NCK1: variants seen among roughly 807,000 people sequenced by gnomAD.
The protein encoded by NCK1 is SH2/SH3 adapter protein NCK1.
In NCK1, 19 loss-of-function variants were observed where a neutral mutation model predicts 36.6. The ratio of observed to expected loss-of-function variants is 0.52; its 90% CI spans 0.36 to 0.76. The LOEUF (loss-of-function observed/expected upper bound fraction) is 0.76, where lower values mean the gene tolerates loss of function less well. NCK1 is among the 30% of genes least tolerant of loss of function. NCK1 has a pLI of 0.00. For synonymous variants in NCK1, 165 were observed against 156.0 expected (o/e 1.06, Z -0.43); for missense variants, 358 against 445.6 (o/e 0.80, Z 1.77).
Position 136,949,892 on chromosome 3 carries a change from A to G in NCK1, c.*1439A>G, listed in dbSNP as rs1466066580. ...ATTTAAATCTTAAAATCATTTAAAG[A>G]CTTATGTTGCCACTGGGTGGCAGCC... On this transcript the variant is annotated 3_prime_UTR_variant, in exon 4 of 4. Coordinates refer to ENST00000481752, the MANE Select transcript of NCK1 (RefSeq NM_001291999.2). The G allele has an allele frequency of 6.6e-6, 1 of 152,100 alleles. No individual in the cohort carries two copies. The highest frequency in any genetic ancestry group is 6.6e-5 in the Admixed American group (1 of 15,260). The allele number at this position is 152,100 out of a possible 1,614,324, so 9.4% of individuals were successfully genotyped here. A position where few individuals can be genotyped will look rare whatever the true frequency, so the allele number is the denominator to read the frequency against.
At chr3:136,898,289 G>A (rs1257063920) in intron 1 of NCK1, among the ~76,000 whole-genome samples, 1 of 151,612 alleles carries the variant, frequency 6.6e-6, no homozygotes, top group Non-Finnish European at 1.5e-5. Context: ...CCACCTATTC[G>A]GGGAGGCTGA....
intron 1 of NCK1, among the ~76,000 whole-genome samples, chr3:136,892,676 T>C (rs1182044929): frequency 6.6e-6 from 1 of 152,122 alleles, no homozygotes; most frequent in African/African-American, 2.4e-5. Context: ...AGACCTGTTT[T>C]AGACTTAATG....
intron 1 of NCK1, among the ~76,000 whole-genome samples, chr3:136,898,329 G>A (rs1161940449): frequency 1.3e-5 from 2 of 151,042 alleles, no homozygotes; most frequent in African/African-American, 2.4e-5. Flanking sequence ...CCCGGGAGGC[G>A]GAGGTTCCAG....
intron 1 of NCK1, among the ~76,000 whole-genome samples, chr3:136,892,658 G>C (rs987790466): frequency 3.3e-5 from 5 of 150,606 alleles, no homozygotes; most frequent in Non-Finnish European, 5.9e-5. Context: ...ATGCCAAACA[G>C]GCCTGTAAGA....
At chr3:136,878,896 A>AC (rs1227208016) in intron 1 of NCK1, among the ~76,000 whole-genome samples, 2 of 152,142 alleles carry the variant, frequency 1.3e-5, no homozygotes, top group African/African-American at 4.8e-5. Flanking sequence ...CAATATTGAG[A>AC]CCGTTACTGA....
chr3:136,923,571 T>TA (rs547191282), intron 1 of NCK1, among the ~76,000 whole-genome samples: 1 of 150,754 alleles, frequency 6.6e-6, no homozygotes, highest in Non-Finnish European at 1.5e-5. Flanking sequence ...AATAAATAAA[T>TA]AAATAAATAA....
chr3:136,884,062 C>T (rs775518618), intron 1 of NCK1, among the ~76,000 whole-genome samples: 2 of 152,062 alleles, frequency 1.3e-5, no homozygotes, highest in African/African-American at 4.8e-5. Context: ...TTAGAGAACA[C>T]AATTCAAATT....
intron 1 of NCK1, among the ~76,000 whole-genome samples, chr3:136,885,547 C>G (rs531737269): frequency 6.6e-6 from 1 of 152,074 alleles, no homozygotes; most frequent in East Asian, 1.9e-4. Flanking sequence ...TCAAGTGATT[C>G]GTCTACCTTG....
chr3:136,940,860 T>G (rs960995571), intron 2 of NCK1, among the ~76,000 whole-genome samples: 2 of 152,086 alleles, frequency 1.3e-5, no homozygotes, highest in African/African-American at 4.8e-5. Flanking sequence ...TGTGTGATAT[T>G]TATATAGCCA....
At chr3:136,888,910 G>A (rs536363341) in intron 1 of NCK1, among the ~76,000 whole-genome samples, 14 of 151,282 alleles carry the variant, frequency 9.3e-5, no homozygotes, top group Non-Finnish European at 2.1e-4. Flanking sequence ...TTGCTCTGTT[G>A]CTTGGACTGT....
chr3:136,902,953 G>A (rs899061961), intron 1 of NCK1, among the ~76,000 whole-genome samples: 2 of 151,724 alleles, frequency 1.3e-5, no homozygotes, highest in African/African-American at 4.8e-5. Flanking sequence ...GTAAATGTCT[G>A]TTAGGTCTAT....
chr3:136,874,400 G>A (rs574065110), intron 1 of NCK1, among the ~76,000 whole-genome samples: 2 of 152,266 alleles, frequency 1.3e-5, no homozygotes, highest in East Asian at 1.9e-4. Context: ...GGCTGGTCTC[G>A]AAGTCCTGAC....
intron 1 of NCK1, among the ~76,000 whole-genome samples, chr3:136,907,410 T>C (rs1282059290): frequency 6.6e-6 from 1 of 152,148 alleles, no homozygotes; most frequent in Admixed American, 6.5e-5. Context: ...TTGTGGGACT[T>C]AGCGTGAGCT....
chr3:136,875,299 G>C (rs1286915821), intron 1 of NCK1, among the ~76,000 whole-genome samples: 1 of 152,058 alleles, frequency 6.6e-6, no homozygotes, highest in Non-Finnish European at 1.5e-5. Context: ...GGGTTTTCTA[G>C]ATATACAATC....
At chr3:136,934,960 C>T (rs1004111206) in intron 2 of NCK1, among the ~76,000 whole-genome samples, 3 of 151,976 alleles carry the variant, frequency 2.0e-5, no homozygotes, top group African/African-American at 4.8e-5. Context: ...CCCAAAACTC[C>T]GCATGATCTT....
At chr3:136,862,878 C>A (rs894392405) in intron 1 of NCK1, among the ~76,000 whole-genome samples, 2 of 145,598 alleles carry the variant, frequency 1.4e-5, no homozygotes, top group African/African-American at 5.0e-5. Context: ...ACCCACCGGC[C>A]GTTTTCTAGT....
chr3:136,912,350 A>G (rs994748247), intron 1 of NCK1, among the ~76,000 whole-genome samples: 7 of 151,660 alleles, frequency 4.6e-5, no homozygotes, highest in Non-Finnish European at 1.0e-4. Context: ...TTTAGTAGAG[A>G]TGGGGTTTCG....
Position 136,899,706 on chromosome 3 carries a change from CG to C in NCK1, c.-18-28277del, listed in dbSNP as rs1939488763. 5 of 797,100 alleles carry C rather than the reference CG, an allele frequency of 6.3e-6. No homozygotes were observed. The Admixed American group carries it at 8.7e-5, about 14-fold the overall frequency. The allele number at this position is 797,100 out of a possible 1,614,324, so 49.4% of individuals were successfully genotyped here. A position where few individuals can be genotyped will look rare whatever the true frequency, so the allele number is the denominator to read the frequency against. On this transcript the variant is annotated intron_variant, in intron 1 of 3. Coordinates refer to ENST00000481752, the MANE Select transcript of NCK1 (RefSeq NM_001291999.2). Reference sequence around the variant, plus strand: ...ACTGGCTACACTGCAATTAGAGATACGAGGAGACTTACTCACTGTTTCTGTT... The same window carrying C: ...ACTGGCTACACTGCAATTAGAGATACAGGAGACTTACTCACTGTTTCTGTT...
chr3:136,869,291 A>T (rs1214826584), intron 1 of NCK1, among the ~76,000 whole-genome samples: 1 of 152,082 alleles, frequency 6.6e-6, no homozygotes, highest in African/African-American at 2.4e-5. Context: ...TCACTCCTGT[A>T]ATCCCAGCGC....
Sources: allele counts gnomAD v4.1 joint callset (sites outside exome capture counted in the v4.1 genomes callset), GRCh38; gene constraint gnomAD v4.1.1; transcripts MANE v1.5; gene names NCBI Gene and HGNC (gene_info 2026-07-23, HGNC 2026-07-21).